HOXC6: variants seen among roughly 807,000 people sequenced by gnomAD.
HOXC6 encodes homeobox protein Hox-C6.
HOXC6 carries 10 observed loss-of-function variants against 24.0 expected under a neutral mutation model. That is an observed-to-expected ratio of 0.42 (90% CI 0.26 to 0.71). The LOEUF is 0.71. Ranked by LOEUF, HOXC6 falls within the 30% of genes least tolerant of loss-of-function variation. The pLI is 0.28. For missense variants in HOXC6, 258 were observed against 303.4 expected (o/e 0.85, Z 1.11); for synonymous variants, 123 against 128.1 (o/e 0.96, Z 0.27).
rs1185935317 is a variant in HOXC6, at chr12:54,030,717, A to AAAAT, written c.*772_*775dup. 17 of 152,724 alleles carry AAAAT rather than the reference A, an allele frequency of 1.1e-4. No individual in the cohort carries two copies. Among genetic ancestry groups the AAAAT allele is most frequent in the Middle Eastern group, 3.4e-3 (1 of 294 alleles). The allele number at this position is 152,724 out of a possible 1,614,324, so 9.5% of individuals were successfully genotyped here. On this transcript the variant is annotated 3_prime_UTR_variant, in exon 2 of 2. Transcript: ENST00000243108. ...ATGACGTTTGTTTAGCCAGTAGGAGAAAATAAATAAATAAATAAATCCCTT... is the reference window on the plus strand; with the variant it reads ...ATGACGTTTGTTTAGCCAGTAGGAGAAAATAAATAAATAAATAAATAAATCCCTT...
chr12:54,028,513 G>A lies in HOXC6; in HGVS notation c.-9G>A. ...AGAAATCATAGACCGACCAGGTAAA[G>A]GCAAAGGGATGAATTCCTACTTCAC... On this transcript the variant is annotated 5_prime_UTR_variant, in exon 1 of 2. Coordinates refer to ENST00000243108, the MANE Select transcript of HOXC6 (RefSeq NM_004503.4). 6.2e-7 allele frequency: 1 copy of A among 1,612,598 alleles called. No homozygotes were observed. The highest frequency in any genetic ancestry group is 8.5e-7 in the Non-Finnish European group (1 of 1,179,108).
intron 1 of HOXC6, among the ~76,000 whole-genome samples, chr12:54,018,957 A>G (rs142018836): frequency 0.022 from 3,282 of 151,894 alleles, 113 homozygotes; most frequent in African/African-American, 0.076. Flanking sequence ...GGGGGCGGGG[A>G]TGGGGGAAGA....
At position 54,028,660 on chromosome 12, in the gene HOXC6, A is replaced by G. The variant is rs1400094404; in HGVS notation, c.139A>G (p.Asn47Asp). 6.2e-7 allele frequency: 1 copy of G among 1,614,126 alleles called. No individual in the cohort carries two copies. Among genetic ancestry groups the G allele is most frequent in the Non-Finnish European group, 8.5e-7 (1 of 1,180,036 alleles). Residue 47 changes from asparagine (N) to aspartate (D), a missense_variant, in exon 1 of 2, where the codon AAC (asparagine) becomes GAC (aspartate). Coordinates refer to ENST00000243108, the MANE Select transcript of HOXC6 (RefSeq NM_004503.4). ...FSTYGAAVAQ[N>D]RIYSTPFYSP... is the part of the protein sequence containing the mutation. ...GACCTATGGAGCGGCCGTTGCCCAG[A>G]ACCGGATCTACTCGACTCCCTTTTA... is the stretch of plus-strand genomic sequence containing the variant.
chr12:54,029,146 G>A (rs1382349835), intron 1 of HOXC6, among the ~76,000 whole-genome samples: 6 of 152,134 alleles, frequency 3.9e-5, no homozygotes, highest in Admixed American at 1.3e-4. Context: ...GCCCCAAGGC[G>A]GGCTGAGGGG....
At chr12:54,025,205 C>A (rs1265165257), upstream of HOXC6, among the ~76,000 whole-genome samples, 1 of 152,192 alleles carries the variant, frequency 6.6e-6, no homozygotes, top group African/African-American at 2.4e-5. Flanking sequence ...CAGAGCACAA[C>A]TGCAGTTTTA....
chr12:54,019,668 C>T (rs1940341488), intron 1 of HOXC6, among the ~76,000 whole-genome samples: 1 of 151,952 alleles, frequency 6.6e-6, no homozygotes, highest in Non-Finnish European at 1.5e-5. Context: ...TTAGAAGGGC[C>T]CCCTCCCACC....
intron 1 of HOXC6, among the ~76,000 whole-genome samples, chr12:54,023,222 G>A (rs1940529619): frequency 6.6e-6 from 1 of 152,222 alleles, no homozygotes; most frequent in East Asian, 1.9e-4. Context: ...TTTTCCAGAT[G>A]GAGCTGGAAG....
intron 1 of HOXC6, 88 bp from the exon 2 acceptor site, chr12:54,029,567 T>G (rs1271351001): frequency 7.2e-7 from 1 of 1,392,828 alleles, no homozygotes; most frequent in Non-Finnish European, 9.9e-7. Flanking sequence ...CTGGCCAGGT[T>G]GGGAGGGTCA....
intron 1 of HOXC6, among the ~76,000 whole-genome samples, chr12:54,018,226 T>C (rs1940252071): frequency 6.6e-6 from 1 of 152,192 alleles, no homozygotes; most frequent in East Asian, 1.9e-4. Context: ...CCTACCGGCT[T>C]TCCCTTCCGG....
intron 1 of HOXC6, among the ~76,000 whole-genome samples, chr12:54,022,797 C>T (rs1940508961): frequency 6.6e-6 from 1 of 152,090 alleles, no homozygotes; most frequent in Non-Finnish European, 1.5e-5. Flanking sequence ...ACTGTGATGT[C>T]ATAATACCGA....
rs1419309814 is a variant in HOXC6, at chr12:54,029,659, C to T, written c.405C>T (p.Val135=). ...GTTTTGTGCCCGGATCTTTAGGGGT[C>T]GGCTACGGAGCGGACCGGAGGCGCG... The part of the protein sequence containing the change: ...WMQRMNSHSG[V]GYGADRRRGR... The change falls in exon 2 of 2, where the codon GTC becomes GTT. Residue 135 remains valine (V), a synonymous_variant. Coordinates refer to ENST00000243108, the MANE Select transcript of HOXC6 (RefSeq NM_004503.4). The T allele has an allele frequency of 6.2e-7, 1 of 1,611,198 alleles. No homozygotes were observed. Among genetic ancestry groups the T allele is most frequent in the East Asian group, 2.2e-5 (1 of 44,810 alleles).
intron 1 of HOXC6, chr12:54,020,136 C>T (rs1940367023): frequency 6.6e-6 from 1 of 152,306 alleles, no homozygotes; most frequent in South Asian, 2.1e-4. Context: ...TCCTTGCAGG[C>T]CACATTCCCT....
upstream of HOXC6, among the ~76,000 whole-genome samples, chr12:54,024,356 C>G (rs1477350171): frequency 6.6e-6 from 1 of 152,102 alleles, no homozygotes; most frequent in African/African-American, 2.4e-5. Context: ...CCCGAGCAGC[C>G]TCAGGAGGCA....
intron 1 of HOXC6, 55 bp from the exon 2 acceptor site, chr12:54,029,600 C>G (rs749797582): frequency 1.3e-6 from 2 of 1,560,234 alleles, no homozygotes; most frequent in African/African-American, 2.7e-5. Flanking sequence ...GCGAAACAGT[C>G]TGCAGAGGAC....
At chr12:54,021,984 T>C (rs1940469595) in intron 1 of HOXC6, 1 of 152,232 alleles carries the variant, frequency 6.6e-6, no homozygotes, top group Non-Finnish European at 1.5e-5. Flanking sequence ...GAAATAGTCT[T>C]AAAACAGGGC....
intron 1 of HOXC6, among the ~76,000 whole-genome samples, chr12:54,019,383 G>A (rs1272632107): frequency 6.6e-6 from 1 of 152,202 alleles, no homozygotes; most frequent in Non-Finnish European, 1.5e-5. Flanking sequence ...CGGCAGGCCG[G>A]AACCCGGAGT....
chr12:54,018,801 G>T (rs1288407068), intron 1 of HOXC6, among the ~76,000 whole-genome samples: 1 of 152,054 alleles, frequency 6.6e-6, no homozygotes. Context: ...GAGAACCTGG[G>T]GGCCAGACTT....
At chr12:54,023,798 C>T (rs1213079638), upstream of HOXC6, among the ~76,000 whole-genome samples, 1 of 152,090 alleles carries the variant, frequency 6.6e-6, no homozygotes, top group Non-Finnish European at 1.5e-5. Context: ...GTAGCGGGGG[C>T]AGGTATGTGC....
intron 1 of HOXC6, chr12:54,020,342 C>T (rs1401110171): frequency 1.3e-5 from 2 of 152,222 alleles, no homozygotes; most frequent in African/African-American, 4.8e-5. Context: ...GCTTGCCTGC[C>T]CCCCTTATAA....
Sources: allele counts gnomAD v4.1 joint callset (sites outside exome capture counted in the v4.1 genomes callset), GRCh38; gene constraint gnomAD v4.1.1; transcripts MANE v1.5; gene names NCBI Gene and HGNC (gene_info 2026-07-23, HGNC 2026-07-21).